The following ARHGEF3 variants were observed in gnomAD, a reference collection of about 807,000 sequenced individuals.
ARHGEF3 encodes the protein Rho guanine nucleotide exchange factor 3, also known as 59.8 kDA protein.
Under a neutral mutation model 63.2 loss-of-function variants are expected in ARHGEF3, and 28 were observed. That is an observed-to-expected ratio of 0.44 (90% CI 0.33 to 0.61). The LOEUF (loss-of-function observed/expected upper bound fraction) is 0.61. Ranked by LOEUF, ARHGEF3 falls within the 20% of genes least tolerant of loss-of-function variation. ARHGEF3 has a pLI of 0.03. For synonymous variants in ARHGEF3, 266 were observed against 254.2 expected, an observed-to-expected ratio of 1.05 and a Z score of -0.44; for missense variants, 533 against 659.3, an observed-to-expected ratio of 0.81 and a Z score of 2.10.
Position 56,745,352 on chromosome 3 carries a change from A to G in ARHGEF3, c.723T>C (p.Cys241=), listed in dbSNP as rs1477465146. ...DHRVQDFLQR[C]LESPFSRKLD... ...GTTTGCGGCTAAAGGGGGATTCTAA[A>G]CATCGCTGTAGGAAATCCTGGACTC... The change falls in exon 7 of 10, where the codon TGT becomes TGC. Residue 241 remains cysteine (C), a synonymous_variant. Coordinates refer to ENST00000296315, the MANE Select transcript of ARHGEF3 (RefSeq NM_019555.3). The G allele has an allele frequency of 1.7e-5, 27 of 1,613,900 alleles. No individual in the cohort carries two copies. Among genetic ancestry groups the G allele is most frequent in the African/African-American group, 2.7e-5 (2 of 74,872 alleles).
intron 3 of ARHGEF3, among the ~76,000 whole-genome samples, chr3:56,915,088 T>A (rs1290106135): frequency 2.0e-5 from 3 of 152,184 alleles, no homozygotes; most frequent in Non-Finnish European, 4.4e-5. Flanking sequence ...GAATTAGGGT[T>A]ACAGAAATCA....
chr3:56,901,841 A>G (rs962047478), intron 3 of ARHGEF3, among the ~76,000 whole-genome samples: 1 of 152,072 alleles, frequency 6.6e-6, no homozygotes, highest in African/African-American at 2.4e-5. Flanking sequence ...ACCTTGTTTT[A>G]TGTGTATTTC....
At chr3:56,906,729 G>A (rs1313582876) in intron 3 of ARHGEF3, among the ~76,000 whole-genome samples, 2 of 151,546 alleles carry the variant, frequency 1.3e-5, no homozygotes. Context: ...CCAGCTACTC[G>A]GGAGGCTGAG....
At chr3:56,955,011 A>G (rs1466838407) in intron 3 of ARHGEF3, among the ~76,000 whole-genome samples, 3 of 151,966 alleles carry the variant, frequency 2.0e-5, no homozygotes, top group African/African-American at 7.2e-5. Flanking sequence ...CTCCTCAGCC[A>G]CCCAGATCTT....
chr3:56,920,773 C>A (rs1486067654), intron 3 of ARHGEF3, among the ~76,000 whole-genome samples: 1 of 152,164 alleles, frequency 6.6e-6, no homozygotes, highest in Non-Finnish European at 1.5e-5. Context: ...ATGGCCAAGG[C>A]CGGGCACGAT....
chr3:57,009,937 G>A lies in ARHGEF3; in HGVS notation c.62+25151C>T, dbSNP rs371812227. Among the ~76,000 whole-genome samples, 38 of 152,164 alleles carry A rather than the reference G, an allele frequency of 2.5e-4. 4 individuals carry two copies. The highest frequency in any genetic ancestry group is 2.2e-3 in the Admixed American group (34 of 15,280). ...GTATTCTCGTCATACCCATTTTAAA[G>A]ATGATGAAACAGAGGCACAGCAAGG... On this transcript the variant is annotated intron_variant, in intron 2 of 12. Coordinates refer to the ARHGEF3 transcript ENST00000338458.
chr3:56,920,241 G>A (rs186771206), intron 3 of ARHGEF3, among the ~76,000 whole-genome samples: 6 of 152,250 alleles, frequency 3.9e-5, no homozygotes, highest in Non-Finnish European at 7.4e-5. Context: ...GGGTGCCTAC[G>A]ATGCAAAGAT....
intron 3 of ARHGEF3, among the ~76,000 whole-genome samples, chr3:56,905,861 T>C (rs917104191): frequency 3.3e-5 from 5 of 152,152 alleles, no homozygotes; most frequent in South Asian, 2.1e-4. Context: ...CATGTGACTG[T>C]TTAAATTCAC....
intron 2 of ARHGEF3, among the ~76,000 whole-genome samples, chr3:57,000,562 C>A (rs994967161): frequency 1.3e-5 from 2 of 152,090 alleles, no homozygotes; most frequent in African/African-American, 4.8e-5. Context: ...GAGACGGAGT[C>A]TCACTCTGTC....
intron 3 of ARHGEF3, among the ~76,000 whole-genome samples, chr3:56,930,350 T>A (rs1409434747): frequency 6.6e-6 from 1 of 152,066 alleles, no homozygotes; most frequent in Non-Finnish European, 1.5e-5. Flanking sequence ...CAGGTGAAAA[T>A]GTTTTGAACT....
chr3:56,994,064 CAAAA>C lies in ARHGEF3; in HGVS notation c.63-35179_63-35176del, dbSNP rs60299557. On this transcript the variant is annotated intron_variant, in intron 2 of 12. Coordinates refer to the ARHGEF3 transcript ENST00000338458. ...GGGCGACAAGAGTGAAACTTCGTCT[CAAAA>C]AAAAAAAAAAAAAAAAAGCACACTG... Among the ~76,000 whole-genome samples the C allele has an allele frequency of 2.0e-4, 12 of 59,748 alleles. 1 individual carries two copies. The highest frequency in any genetic ancestry group is 3.0e-4 in the Non-Finnish European group (9 of 29,902). The allele number at this position is 59,748 out of a possible 152,430, so 39.2% of individuals were successfully genotyped here. A position where few individuals can be genotyped will look rare whatever the true frequency, so the allele number is the denominator to read the frequency against.
rs6978 is a variant in ARHGEF3 at position 56,727,687 on chromosome 3, G to A, written c.*1583C>T. ...CAGGTTCACTTGCTGTATCAATAAC[G>A]ACTTGAGAAAGCAGTTTTAAATAAA... On this transcript the variant is annotated 3_prime_UTR_variant, in exon 10 of 10. Transcript: ENST00000296315. 0.17 allele frequency: 26,486 copies of A among 152,460 alleles called. 2,476 individuals are homozygous for A. The highest frequency in any genetic ancestry group is 0.39 in the South Asian group (1,882 of 4,810). The allele number at this position is 152,460 out of a possible 1,614,324, so 9.4% of individuals were successfully genotyped here.
chr3:56,929,476 C>A (rs983966745), intron 3 of ARHGEF3, among the ~76,000 whole-genome samples: 1 of 152,170 alleles, frequency 6.6e-6, no homozygotes. Context: ...TGTGCCCACA[C>A]ATCACCTGGG....
At chr3:57,002,387 A>T (rs1702231793) in intron 2 of ARHGEF3, among the ~76,000 whole-genome samples, 1 of 139,136 alleles carries the variant, frequency 7.2e-6, no homozygotes, top group Admixed American at 7.4e-5. Flanking sequence ...ATAGTACTCA[A>T]AATGCACTTA....
intron 4 of ARHGEF3, among the ~76,000 whole-genome samples, chr3:56,879,468 A>C (rs1233837406): frequency 6.6e-6 from 1 of 152,082 alleles, no homozygotes; most frequent in Non-Finnish European, 1.5e-5. Flanking sequence ...TTGGGCTGGG[A>C]CTCAATGAAA....
At chr3:56,751,781 G>A (rs2034765292) in intron 4 of ARHGEF3, among the ~76,000 whole-genome samples, 1 of 151,952 alleles carries the variant, frequency 6.6e-6, no homozygotes, top group African/African-American at 2.4e-5. Flanking sequence ...TTTTCAATTA[G>A]TACATATTTA....
At chr3:56,923,552 G>GA (rs948651571) in intron 3 of ARHGEF3, among the ~76,000 whole-genome samples, 35 of 151,430 alleles carry the variant, frequency 2.3e-4, no homozygotes, top group African/African-American at 7.0e-4. Flanking sequence ...TTCCAATAGA[G>GA]AAAAAAAATG....
At chr3:56,854,153 C>T (rs915958308) in intron 4 of ARHGEF3, among the ~76,000 whole-genome samples, 68 of 152,152 alleles carry the variant, frequency 4.5e-4, no homozygotes, top group African/African-American at 1.6e-3. Context: ...CGAGATGGCG[C>T]CACTGCACTC....
At chr3:56,996,807 G>A (rs34556117) in intron 2 of ARHGEF3, among the ~76,000 whole-genome samples, 21,767 of 151,804 alleles carry the variant, frequency 0.14, 2,017 homozygotes, top group Non-Finnish European at 0.2. Flanking sequence ...CCTGTGGCCC[G>A]CAGGCGGGCC....
Sources: allele counts gnomAD v4.1 joint callset (sites outside exome capture counted in the v4.1 genomes callset), GRCh38; gene constraint gnomAD v4.1.1; transcripts MANE v1.5; gene names NCBI Gene and HGNC (gene_info 2026-07-23, HGNC 2026-07-21).